Variants in TRIO observed in about 807,000 individuals in gnomAD.
TRIO encodes the protein trio Rho guanine nucleotide exchange factor, also known as triple functional domain protein.
In TRIO, 58 loss-of-function variants were observed where a neutral mutation model predicts 351.9. The observed-to-expected ratio is 0.16, with a 90% confidence interval of 0.13 to 0.21. The LOEUF is 0.21. Ranked by LOEUF, TRIO falls within the 10% of genes least tolerant of loss-of-function variation. The pLI, the probability that TRIO is intolerant of heterozygous loss-of-function variation, is 1.00. For synonymous variants in TRIO, 1,758 were observed against 1,595.7 expected, an observed-to-expected ratio of 1.10 and a Z score of -2.42; for missense variants, 3,201 against 4,027.8, an observed-to-expected ratio of 0.79 and a Z score of 5.56.
intron 11 of TRIO, among the ~76,000 whole-genome samples, chr5:14,338,191 C>T (rs1051826932): frequency 1.3e-5 from 2 of 152,160 alleles, no homozygotes; most frequent in Admixed American, 6.5e-5. Flanking sequence ...CCTGTGGCAC[C>T]GCTACCAGAG....
At chr5:14,474,616 A>G (rs1312809226) in intron 40 of TRIO, among the ~76,000 whole-genome samples, 1 of 152,194 alleles carries the variant, frequency 6.6e-6, no homozygotes, top group Non-Finnish European at 1.5e-5. Context: ...AATAAATACA[A>G]GTTATCATTA....
intron 48 of TRIO, among the ~76,000 whole-genome samples, chr5:14,490,055 GA>G (rs1208506325): frequency 1.3e-5 from 2 of 152,212 alleles, no homozygotes; most frequent in Non-Finnish European, 2.9e-5. Flanking sequence ...GAGACGGGCA[GA>G]TCACAAGGTC....
chr5:14,284,073 G>A lies in TRIO; in HGVS notation c.348-2798G>A, dbSNP rs755191403. The stretch of plus-strand genomic sequence containing the variant: ...TTGTTGTCCACTAATGAAATGATAC[G>A]AAGATTTTTAATTGATTCATTCATA... On this transcript the variant is annotated intron_variant, in intron 3 of 56. Coordinates refer to ENST00000344204, the MANE Select transcript of TRIO (RefSeq NM_007118.4). 6.6e-5 allele frequency among the ~76,000 whole-genome samples: 10 copies of A among 152,160 alleles called. No individual in the cohort carries two copies. In the East Asian group the frequency reaches 7.7e-4, roughly 12 times the overall value.
intron 46 of TRIO, among the ~76,000 whole-genome samples, chr5:14,484,103 C>T (rs926446830): frequency 6.6e-6 from 1 of 152,150 alleles, no homozygotes; most frequent in Admixed American, 6.5e-5. Flanking sequence ...TGCACTCATC[C>T]ATCCCCTGCA....
At chr5:14,328,696 G>A (rs1408177193) in intron 9 of TRIO, among the ~76,000 whole-genome samples, 2 of 152,188 alleles carry the variant, frequency 1.3e-5, no homozygotes, top group East Asian at 1.9e-4. Context: ...TTGACATAGA[G>A]GTCATCGAAT....
intron 37 of TRIO, among the ~76,000 whole-genome samples, chr5:14,467,395 C>T (rs1754337537): frequency 1.3e-5 from 2 of 152,040 alleles, no homozygotes; most frequent in Admixed American, 6.5e-5. Context: ...GACGTGTCAC[C>T]CTGCCATAGC....
In TRIO at chr5:14,387,055, A is replaced by G. The variant is rs186512806; in HGVS notation, c.3571-383A>G. Among the ~76,000 whole-genome samples the G allele has an allele frequency of 5.9e-5, 9 of 152,392 alleles. No homozygotes were observed. The East Asian group carries it at 7.7e-4, about 13-fold the overall frequency. On this transcript the variant is annotated intron_variant, in intron 21 of 56. Transcript: ENST00000344204. ...AGTTGGGCACAAAGAGTAAACATGCATAGAGCGAGGAGCTGTCTTTGCTCA... is the reference window on the plus strand; with the variant it reads ...AGTTGGGCACAAAGAGTAAACATGCGTAGAGCGAGGAGCTGTCTTTGCTCA...
At chr5:14,504,201 C>T (rs781498562) in intron 54 of TRIO, among the ~76,000 whole-genome samples, 192 bp from the exon 55 acceptor site, 17 of 152,208 alleles carry the variant, frequency 1.1e-4, no homozygotes, top group Non-Finnish European at 2.1e-4. Flanking sequence ...AGCAGAACCG[C>T]GTGGCTGCGG....
chr5:14,198,399 A>G (rs1790903603), intron 1 of TRIO, among the ~76,000 whole-genome samples: 1 of 152,222 alleles, frequency 6.6e-6, no homozygotes, highest in Non-Finnish European at 1.5e-5. Context: ...TACTAAGTAT[A>G]CAATCAGAGT....
At chr5:14,363,997 A>G in intron 14 of TRIO, 70 bp downstream of exon 14, 1 of 1,496,394 alleles carries the variant, frequency 6.7e-7, no homozygotes, top group Non-Finnish European at 9.0e-7. Flanking sequence ...GGCTTATTTC[A>G]GTGGGATGAC....
chr5:14,265,462 C>A (rs1484872603), intron 1 of TRIO, among the ~76,000 whole-genome samples: 1 of 152,036 alleles, frequency 6.6e-6, no homozygotes, highest in Non-Finnish European at 1.5e-5. Flanking sequence ...AAATTTGATT[C>A]ATTTGATTCA....
chr5:14,190,030 G>C (rs1417593646), intron 1 of TRIO, among the ~76,000 whole-genome samples: 1 of 150,792 alleles, frequency 6.6e-6, no homozygotes, highest in Non-Finnish European at 1.5e-5. Context: ...CATATCTTCA[G>C]ATCATTCATA....
At chr5:14,379,702 T>C (rs1489354167) in intron 20 of TRIO, among the ~76,000 whole-genome samples, 4 of 152,232 alleles carry the variant, frequency 2.6e-5, no homozygotes, top group African/African-American at 9.6e-5. Context: ...CCCTCAGCTA[T>C]AGAAAAGCAA....
At chr5:14,475,261 GCT>G (rs1429646891) in intron 40 of TRIO, among the ~76,000 whole-genome samples, 2 of 152,164 alleles carry the variant, frequency 1.3e-5, no homozygotes, top group African/African-American at 4.8e-5. Context: ...CGGGCCTTCT[GCT>G]CTCCTGTCTT....
intron 28 of TRIO, among the ~76,000 whole-genome samples, chr5:14,394,468 C>T (rs1302014392): frequency 6.6e-6 from 1 of 152,154 alleles, no homozygotes; most frequent in Non-Finnish European, 1.5e-5. Context: ...ATATGTTAAC[C>T]TCCCAACAAT....
rs1375751124 is a variant in TRIO, at chr5:14,281,192, G to A, written c.347+756G>A. ...CACACTTCTATTAAGAAACGTTTGG[G>A]ACTGGGTAATTTATAAAGAAAAGAG... On this transcript the variant is annotated intron_variant, in intron 3 of 56. Transcript: ENST00000344204. Among the ~76,000 whole-genome samples the A allele has an allele frequency of 5.3e-5, 8 of 152,262 alleles. No homozygotes were observed. The East Asian group carries it at 1.3e-3, about 26-fold the overall frequency.
chr5:14,344,329 T>C (rs1483537448), intron 11 of TRIO, among the ~76,000 whole-genome samples: 1 of 152,238 alleles, frequency 6.6e-6, no homozygotes, highest in Non-Finnish European at 1.5e-5. Context: ...CAGGTGGTCT[T>C]CCCATTGGTG....
intron 44 of TRIO, 77 bp from the exon 45 acceptor site, chr5:14,481,464 A>G (rs1007732348): frequency 6.4e-7 from 1 of 1,552,088 alleles, no homozygotes; most frequent in Non-Finnish European, 8.9e-7. Context: ...ACAGAACTTC[A>G]TCAGGTCAGA....
intron 55 of TRIO, 186 bp downstream of exon 55, chr5:14,504,779 T>G: frequency 1.4e-6 from 1 of 723,776 alleles, no homozygotes; most frequent in Non-Finnish European, 2.2e-6. Context: ...AGCAGTGTGG[T>G]CTTCCACAGG....
Sources: gnomAD v4.1 joint callset for allele counts (sites outside exome capture counted in the v4.1 genomes callset) on GRCh38, gnomAD v4.1.1 for gene constraint, MANE v1.5 for transcripts, NCBI Gene and HGNC (gene_info 2026-07-23, HGNC 2026-07-21) for gene names.